The following NRXN3 variants were observed in gnomAD, a reference collection of about 807,000 sequenced individuals.
NRXN3 encodes the protein neurexin III.
A neutral mutation model predicts 137.6 loss-of-function variants in NRXN3; 32 were observed. The ratio of observed to expected loss-of-function variants is 0.23; its 90% CI spans 0.18 to 0.31. The LOEUF (loss-of-function observed/expected upper bound fraction) is 0.31. NRXN3 is among the 10% of genes least tolerant of loss of function. NRXN3 has a pLI of 1.00. For missense variants in NRXN3, 1,574 were observed against 2,062.5 expected (o/e 0.76, Z 4.59); for synonymous variants, 798 against 784.5 (o/e 1.02, Z -0.29).
At chr14:79,624,008 T>C (rs1317190143) in intron 16 of NRXN3, among the ~76,000 whole-genome samples, 1 of 152,156 alleles carries the variant, frequency 6.6e-6, no homozygotes, top group African/African-American at 2.4e-5. Flanking sequence ...CACCTACAGA[T>C]GATTTCACCT....
At chr14:79,760,088 T>C (rs967592490) in intron 19 of NRXN3, among the ~76,000 whole-genome samples, 1 of 151,696 alleles carries the variant, frequency 6.6e-6, no homozygotes, top group Admixed American at 6.6e-5. Flanking sequence ...TGTGTGCATG[T>C]GTGTAAATTT....
intron 10 of NRXN3, among the ~76,000 whole-genome samples, chr14:78,901,421 G>C (rs888624437): frequency 2.6e-5 from 4 of 151,804 alleles, no homozygotes; most frequent in Non-Finnish European, 5.9e-5. Flanking sequence ...GAGAACTTAG[G>C]AATTTTTCAT....
At chr14:79,476,582 T>G (rs538536251) in intron 16 of NRXN3, among the ~76,000 whole-genome samples, 1 of 152,260 alleles carries the variant, frequency 6.6e-6, no homozygotes, top group African/African-American at 2.4e-5. Flanking sequence ...GCAGGTAATT[T>G]AATGACATAG....
intron 10 of NRXN3, among the ~76,000 whole-genome samples, chr14:78,823,394 T>G (rs756363439): frequency 7.2e-5 from 11 of 152,182 alleles, no homozygotes; most frequent in Non-Finnish European, 1.0e-4. Flanking sequence ...TGTATCTGCC[T>G]TTGCAACAGC....
intron 1 of NRXN3, among the ~76,000 whole-genome samples, chr14:78,174,439 C>T (rs1459402378): frequency 6.6e-6 from 1 of 152,070 alleles, no homozygotes; most frequent in South Asian, 2.1e-4. Flanking sequence ...CTTTGTCCGA[C>T]CCAGTTCTCC....
At chr14:78,298,203 G>A (rs765669296) in intron 4 of NRXN3, among the ~76,000 whole-genome samples, 12 of 152,208 alleles carry the variant, frequency 7.9e-5, no homozygotes, top group South Asian at 4.1e-4. Context: ...GCAACCAAGC[G>A]GTTAACTTCC....
At chr14:79,711,606 T>C (rs1303706600) in intron 19 of NRXN3, among the ~76,000 whole-genome samples, 2 of 152,180 alleles carry the variant, frequency 1.3e-5, no homozygotes, top group African/African-American at 4.8e-5. Context: ...GCCACTGTGG[T>C]TGGCCTAAGT....
intron 4 of NRXN3, among the ~76,000 whole-genome samples, chr14:78,518,331 G>T (rs1479500014): frequency 6.6e-6 from 1 of 152,074 alleles, no homozygotes; most frequent in Non-Finnish European, 1.5e-5. Flanking sequence ...CCACCTGGAA[G>T]GATTGCAGTC....
intron 6 of NRXN3, among the ~76,000 whole-genome samples, chr14:78,685,815 T>C (rs1003640951): frequency 3.1e-4 from 43 of 139,834 alleles, no homozygotes; most frequent in Non-Finnish European, 6.0e-4. Context: ...TCTTTCTTTT[T>C]TTTTTTTTTT....
chr14:78,686,406 G>C (rs1020615946), intron 6 of NRXN3, among the ~76,000 whole-genome samples: 6 of 152,182 alleles, frequency 3.9e-5, no homozygotes, highest in Non-Finnish European at 8.8e-5. Flanking sequence ...TGCCAAGACA[G>C]CATCTCACTC....
intron 15 of NRXN3, among the ~76,000 whole-genome samples, chr14:79,330,714 A>G (rs2091553630): frequency 6.6e-6 from 1 of 152,218 alleles, no homozygotes; most frequent in Non-Finnish European, 1.5e-5. Context: ...GAGAAGAGAA[A>G]GAAAAAGAAA....
intron 20 of NRXN3, among the ~76,000 whole-genome samples, chr14:79,828,454 T>A (rs2099312011): frequency 6.6e-6 from 1 of 151,752 alleles, no homozygotes; most frequent in African/African-American, 2.4e-5. Context: ...ACCCCATCTC[T>A]GCTAAAAATT....
chr14:78,528,170 T>C (rs1037843227), intron 4 of NRXN3, among the ~76,000 whole-genome samples: 3 of 152,248 alleles, frequency 2.0e-5, no homozygotes, highest in African/African-American at 4.8e-5. Context: ...ACAACCCAAA[T>C]TGGAATGAAC....
chr14:78,386,758 A>C (rs2090024314), intron 4 of NRXN3, among the ~76,000 whole-genome samples: 1 of 152,024 alleles, frequency 6.6e-6, no homozygotes, highest in African/African-American at 2.4e-5. Flanking sequence ...TATGTTGATC[A>C]GGTTATAGTT....
At chr14:79,043,928 T>C (rs1160834048) in intron 15 of NRXN3, among the ~76,000 whole-genome samples, 1 of 152,174 alleles carries the variant, frequency 6.6e-6, no homozygotes, top group Non-Finnish European at 1.5e-5. Flanking sequence ...GGATTCTTTT[T>C]TGATGTGGGG....
chr14:79,126,464 G>A, intron 15 of NRXN3, among the ~76,000 whole-genome samples: 1 of 151,942 alleles, frequency 6.6e-6, no homozygotes, highest in Non-Finnish European at 1.5e-5. Flanking sequence ...TGAGAATGAT[G>A]ATTTCCAATT....
intron 10 of NRXN3, among the ~76,000 whole-genome samples, chr14:78,927,597 G>A (rs1259138440): frequency 6.6e-6 from 1 of 151,916 alleles, no homozygotes; most frequent in Non-Finnish European, 1.5e-5. Flanking sequence ...AGAATTTCTG[G>A]GTCTGTATTT....
At chr14:79,480,446 A>G (rs2096597260) in intron 16 of NRXN3, among the ~76,000 whole-genome samples, 1 of 152,212 alleles carries the variant, frequency 6.6e-6, no homozygotes, top group Admixed American at 6.5e-5. Flanking sequence ...TGAATGATCC[A>G]CAAAGCACAG....
At chr14:78,485,293 A>T (rs923774573) in intron 4 of NRXN3, among the ~76,000 whole-genome samples, 1 of 152,220 alleles carries the variant, frequency 6.6e-6, no homozygotes, top group African/African-American at 2.4e-5. Context: ...AGAAAAAGGG[A>T]TAAGTTCCTC....
Sources: gnomAD v4.1 joint callset for allele counts (sites outside exome capture counted in the v4.1 genomes callset) on GRCh38, gnomAD v4.1.1 for gene constraint, MANE v1.5 for transcripts, NCBI Gene and HGNC (gene_info 2026-07-23, HGNC 2026-07-21) for gene names.